Variants in MED15 observed in about 807,000 individuals in gnomAD.
The protein encoded by MED15 is mediator complex subunit 15.
MED15 carries 41 observed loss-of-function variants against 118.7 expected under a neutral mutation model. That is an observed-to-expected ratio of 0.35 (90% CI 0.27 to 0.45). MED15 has a LOEUF of 0.45. MED15 is among the 20% of genes least tolerant of loss of function. MED15 has a pLI of 1.00. For synonymous variants in MED15, 436 were observed against 413.9 expected (o/e 1.05, Z -0.65); for missense variants, 740 against 1,025.5 (o/e 0.72, Z 3.80).
chr22:20,561,557 A>G (rs1054414816), intron 5 of MED15, among the ~76,000 whole-genome samples: 4 of 152,090 alleles, frequency 2.6e-5, no homozygotes, highest in African/African-American at 9.7e-5. Flanking sequence ...ATTAATAGAA[A>G]ATAAGTTTAA....
At chr22:20,576,050 G>A (rs1422055242) in intron 9 of MED15, among the ~76,000 whole-genome samples, 2 of 151,546 alleles carry the variant, frequency 1.3e-5, no homozygotes, top group Non-Finnish European at 2.9e-5. Flanking sequence ...AGGAATTCCC[G>A]GCTTCTTTTA....
chr22:20,522,080 C>G (rs2054483938), intron 1 of MED15: 2 of 152,130 alleles, frequency 1.3e-5, no homozygotes, highest in African/African-American at 2.4e-5. Flanking sequence ...TTCCAGATAA[C>G]TCTTTTATTT....
Position 20,586,683 on chromosome 22 carries a change from G to T in MED15, c.2346G>T (p.Gln782His). The part of the protein sequence containing the change: ...LLNTWAQSVH[Q>H]ACLSAA Reference sequence around the variant, plus strand: ...ACACCTGGGCCCAGAGCGTCCACCAGGCCTGCCTCTCAGCCGCCTAGCCAA... The same window carrying T: ...ACACCTGGGCCCAGAGCGTCCACCATGCCTGCCTCTCAGCCGCCTAGCCAA... Residue 782 changes from glutamine (Q) to histidine (H), a missense_variant, in exon 18 of 18, where the codon CAG becomes CAT. Gln to His is a conservative substitution (Grantham distance 24). This residue lies in a region of MED15 where 179 missense variants were observed against 259.0 expected (regional missense o/e 0.69). Transcript: ENST00000263205. 1 of 1,612,704 alleles carries T rather than the reference G, an allele frequency of 6.2e-7. No individual in the cohort carries two copies.
chr22:20,576,364 G>A (rs538411019), intron 9 of MED15, among the ~76,000 whole-genome samples: 5 of 152,350 alleles, frequency 3.3e-5, no homozygotes, highest in Non-Finnish European at 4.4e-5. Context: ...GTGCAGTGGC[G>A]TCTCTGCAGC....
In MED15 at chr22:20,569,937, G is replaced by C. The variant is rs550679903; in HGVS notation, c.1152+1306G>C. On this transcript the variant is annotated intron_variant, in intron 8 of 17. Coordinates refer to ENST00000263205, the MANE Select transcript of MED15 (RefSeq NM_001003891.3). ...GTGGTGTGTTCAGAGTCAGCTTAGT[G>C]GTGGCACATAGTGACTGCCCACCCA... Among the ~76,000 whole-genome samples, 23 of 152,288 alleles carry C rather than the reference G, an allele frequency of 1.5e-4. No homozygotes were observed. The East Asian group carries it at 4.2e-3, about 28-fold the overall frequency.
chr22:20,522,689 G>A (rs2054504643), intron 1 of MED15: 1 of 152,378 alleles, frequency 6.6e-6, no homozygotes, highest in African/African-American at 2.4e-5. Flanking sequence ...AGTGGGTGTG[G>A]GTGAAATTTC....
chr22:20,553,031 G>A (rs1219993486), intron 3 of MED15, 114 bp from the exon 4 acceptor site: 2 of 951,636 alleles, frequency 2.1e-6, no homozygotes, highest in Non-Finnish European at 3.3e-6. Flanking sequence ...AGTACTAGGA[G>A]CTCCGTGGGG....
chr22:20,521,542 C>T (rs1352429155), intron 1 of MED15, among the ~76,000 whole-genome samples: 1 of 149,990 alleles, frequency 6.7e-6, no homozygotes, highest in Non-Finnish European at 1.5e-5. Flanking sequence ...CATCACCACA[C>T]CCGGCTAATT....
In MED15 at chr22:20,582,408, C is replaced by A. The variant is rs1020805690; in HGVS notation, c.1273-203C>A. 7 of 787,548 alleles carry A rather than the reference C, an allele frequency of 8.9e-6. No homozygotes were observed. In the Admixed American group the frequency reaches 1.2e-4, roughly 13 times the overall value. 48.8% of individuals were successfully genotyped at this position (787,548 alleles called of 1,614,324 possible). A position where few individuals can be genotyped will look rare whatever the true frequency, so the allele number is the denominator to read the frequency against. ...CAAGGGCTGCCCTGCCTGGGCCCCC[C>A]CCGCCAGCCCCTTGGTCACCTCATG... is the stretch of plus-strand genomic sequence containing the variant. On this transcript the variant is annotated intron_variant, in intron 9 of 17. Transcript: ENST00000263205.
intron 1 of MED15, chr22:20,508,289 G>C (rs1408132458): frequency 2.3e-6 from 3 of 1,302,250 alleles, no homozygotes; most frequent in Admixed American, 2.3e-5. Flanking sequence ...GGAAGCCGCT[G>C]TCAGGAAGCG....
rs750005501 is a variant in MED15 at position 20,507,645 on chromosome 22, G to C, written c.-34G>C. 1.9e-6 allele frequency: 3 copies of C among 1,613,584 alleles called. No individual in the cohort carries two copies. Among genetic ancestry groups the C allele is most frequent in the Non-Finnish European group, 2.5e-6 (3 of 1,179,674 alleles). On this transcript the variant is annotated 5_prime_UTR_variant, in exon 1 of 18. Transcript: ENST00000263205. Reference sequence around the variant, plus strand: ...CTGAGGCGGCGGCGGTGGCGGCCAAGCGGGATACGGGCGGCGGGAGCTGGG... The same window carrying C: ...CTGAGGCGGCGGCGGTGGCGGCCAACCGGGATACGGGCGGCGGGAGCTGGG...
Position 20,552,079 on chromosome 22 carries a change from C to T in MED15, c.208+592C>T, listed in dbSNP as rs140151625. 2.0e-4 allele frequency among the ~76,000 whole-genome samples: 30 copies of T among 152,302 alleles called. No individual in the cohort carries two copies. In the East Asian group the frequency reaches 5.4e-3, roughly 27 times the overall value. Reference sequence around the variant, plus strand: ...CATTGCATCCTAGGGCCAGGGTCTTCGTGCTTGTGTGTGTTACGTGGAAGT... The same window carrying T: ...CATTGCATCCTAGGGCCAGGGTCTTTGTGCTTGTGTGTGTTACGTGGAAGT... On this transcript the variant is annotated intron_variant, in intron 3 of 17. Coordinates refer to ENST00000263205, the MANE Select transcript of MED15 (RefSeq NM_001003891.3).
Position 20,564,529 on chromosome 22 carries a change from A to ACAGCAG in MED15, c.549_554dup (p.Gln187_Gln188dup), listed in dbSNP as rs747865184. 1.7e-5 allele frequency: 27 copies of ACAGCAG among 1,592,858 alleles called. No individual in the cohort carries two copies. The highest frequency in any genetic ancestry group is 1.7e-4 in the Middle Eastern group (1 of 5,898). On this transcript the variant is annotated inframe_insertion, in exon 6 of 18. Transcript: ENST00000263205. ...TCCAGCAGCAGCAGCAGGCGGCGCT[A>ACAGCAG]CAGCAGCAGCAGCAGCAGCAGCAAC...
At position 20,559,469 on chromosome 22, in the gene MED15, C is replaced by T. The variant is rs558279625; in HGVS notation, c.451+4321C>T. On this transcript the variant is annotated intron_variant, in intron 5 of 17. Transcript: ENST00000263205. ...TCTAATTGGCATCCAAGCAAAGCCC[C>T]GGAAGGATCAAATGGAGAGAATGGA... Among the ~76,000 whole-genome samples the T allele has an allele frequency of 3.3e-5, 5 of 152,080 alleles. No individual in the cohort carries two copies. The South Asian group carries it at 8.3e-4, about 25-fold the overall frequency.
rs577163500 is a variant in MED15 at position 20,516,977 on chromosome 22, G to C, written c.68+9231G>C. Among the ~76,000 whole-genome samples, 4 of 152,278 alleles carry C rather than the reference G, an allele frequency of 2.6e-5. No individual in the cohort carries two copies. In the East Asian group the frequency reaches 7.7e-4, roughly 29 times the overall value. ...AGAAAGGGTCTTGTTATGTTGCCCA[G>C]GCTGGAGTGCAGCAGTACAATCATA... On this transcript the variant is annotated intron_variant, in intron 1 of 17. Coordinates refer to ENST00000263205, the MANE Select transcript of MED15 (RefSeq NM_001003891.3).
intron 9 of MED15, among the ~76,000 whole-genome samples, chr22:20,576,385 A>AC (rs1480721481): frequency 6.6e-6 from 1 of 152,228 alleles, no homozygotes. Context: ...TCTGTTCTAC[A>AC]CAGGAAGAAG....
chr22:20,533,432 T>C (rs1264260042), intron 1 of MED15, among the ~76,000 whole-genome samples: 2 of 152,226 alleles, frequency 1.3e-5, no homozygotes, highest in African/African-American at 4.8e-5. Context: ...TTTTCAAAAA[T>C]ACAGTTGTCA....
At chr22:20,585,415 C>A in intron 16 of MED15, 148 bp downstream of exon 16, 1 of 1,101,422 alleles carries the variant, frequency 9.1e-7, no homozygotes, top group African/African-American at 1.6e-5. Context: ...CTCACACACA[C>A]CGGGCTCCAG....
intron 1 of MED15, among the ~76,000 whole-genome samples, chr22:20,519,179 G>A (rs991011700): frequency 6.6e-6 from 1 of 152,020 alleles, no homozygotes; most frequent in Non-Finnish European, 1.5e-5. Context: ...AAGACAAAGG[G>A]GAGTACAGGC....
Sources: gnomAD v4.1 joint callset for allele counts (sites outside exome capture counted in the v4.1 genomes callset) on GRCh38, gnomAD v4.1.1 for gene constraint, gnomAD v4.1.1 regional missense constraint, MANE v1.5 for transcripts, NCBI Gene and HGNC (gene_info 2026-07-23, HGNC 2026-07-21) for gene names.